Variants in B3GALT1 observed in about 807,000 individuals in gnomAD.
B3GALT1 encodes the protein UDP-Gal:betaGlcNAc beta 1,3-galactosyltransferase, polypeptide 1.
B3GALT1 carries 10 observed loss-of-function variants against 23.2 expected under a neutral mutation model. The ratio of observed to expected loss-of-function variants is 0.43; its 90% confidence interval spans 0.27 to 0.73. The LOEUF (loss-of-function observed/expected upper bound fraction) is 0.73. Among genes scored for constraint, B3GALT1 ranks in the 30% least tolerant of loss-of-function variants. The pLI is 0.21. For missense variants in B3GALT1, 299 were observed against 405.4 expected, an observed-to-expected ratio of 0.74 and a Z score of 2.25; for synonymous variants, 156 against 141.5, an observed-to-expected ratio of 1.10 and a Z score of -0.73.
At chr2:167,679,189 G>A (rs1484269249) in intron 3 of B3GALT1, among the ~76,000 whole-genome samples, 1 of 151,848 alleles carries the variant, frequency 6.6e-6, no homozygotes, top group African/African-American at 2.4e-5. Flanking sequence ...CAAAATCTCG[G>A]CTCACCGCAA....
chr2:167,438,681 T>A (rs1698827756), intron 1 of B3GALT1, among the ~76,000 whole-genome samples: 2 of 152,190 alleles, frequency 1.3e-5, no homozygotes, highest in Admixed American at 1.3e-4. Flanking sequence ...ACAAGTATTC[T>A]TCAGGGGCCC....
chr2:167,709,317 GA>G (rs1178235510), intron 3 of B3GALT1, among the ~76,000 whole-genome samples: 1 of 152,204 alleles, frequency 6.6e-6, no homozygotes, highest in Non-Finnish European at 1.5e-5. Flanking sequence ...CTAATAACCA[GA>G]TAATACCTTC....
chr2:167,563,295 T>G (rs1264833253), intron 2 of B3GALT1, among the ~76,000 whole-genome samples: 1 of 111,964 alleles, frequency 8.9e-6, no homozygotes, highest in African/African-American at 4.3e-5. Flanking sequence ...CACTTCCCAG[T>G]AGGGGCGGCC....
At chr2:167,669,501 T>C (rs1686282671) in intron 3 of B3GALT1, among the ~76,000 whole-genome samples, 1 of 152,144 alleles carries the variant, frequency 6.6e-6, no homozygotes, top group Non-Finnish European at 1.5e-5. Flanking sequence ...AAATATGAAA[T>C]GTGGAATTTA....
At chr2:167,848,239 T>C (rs1465445731) in intron 4 of B3GALT1, among the ~76,000 whole-genome samples, 2 of 152,298 alleles carry the variant, frequency 1.3e-5, no homozygotes, top group South Asian at 4.1e-4. Context: ...TAATTCATTC[T>C]GTGAAGCGAG....
At chr2:167,852,057 G>T (rs542315913) in intron 4 of B3GALT1, among the ~76,000 whole-genome samples, 1 of 152,280 alleles carries the variant, frequency 6.6e-6, no homozygotes, top group South Asian at 2.1e-4. Context: ...TCTTGGAAGG[G>T]CAATTTTGGC....
chr2:167,427,366 TAAAAA>T (rs1310142013), intron 1 of B3GALT1, among the ~76,000 whole-genome samples: 1 of 152,150 alleles, frequency 6.6e-6, no homozygotes, highest in African/African-American at 2.4e-5. Context: ...TTTTTGATCT[TAAAAA>T]GAAGTATATG....
intron 2 of B3GALT1, among the ~76,000 whole-genome samples, chr2:167,495,298 AT>A (rs2105344884): frequency 1.1e-5 from 1 of 88,018 alleles, no homozygotes; most frequent in South Asian, 3.4e-4. Context: ...AAGAGGTGCC[AT>A]TTTGCTTTTT....
At chr2:167,447,689 C>T (rs1699022084) in intron 1 of B3GALT1, among the ~76,000 whole-genome samples, 1 of 152,090 alleles carries the variant, frequency 6.6e-6, no homozygotes, top group Non-Finnish European at 1.5e-5. Context: ...TCCTGGTGTG[C>T]CGTTTGCTAA....
chr2:167,338,838 A>G (rs1697101551), intron 1 of B3GALT1, among the ~76,000 whole-genome samples: 1 of 152,140 alleles, frequency 6.6e-6, no homozygotes, highest in East Asian at 1.9e-4. Context: ...AGGTTTTGCA[A>G]TACATTTAAT....
intron 2 of B3GALT1, among the ~76,000 whole-genome samples, chr2:167,606,627 T>G (rs896243766): frequency 8.2e-6 from 1 of 121,774 alleles, no homozygotes; most frequent in Non-Finnish European, 1.8e-5. Flanking sequence ...AAGTTAGAAT[T>G]GTTTGACGTT....
At chr2:167,435,954 AAC>A (rs66661618) in intron 1 of B3GALT1, among the ~76,000 whole-genome samples, 31,409 of 138,574 alleles carry the variant, frequency 0.23, 4,806 homozygotes, top group East Asian at 0.44. Flanking sequence ...CACACACACA[AAC>A]ACACACACAC....
rs184749332 is a variant in B3GALT1 at position 167,432,162 on chromosome 2, G to A, written c.-510-58015G>A. Among the ~76,000 whole-genome samples the A allele has an allele frequency of 6.6e-5, 10 of 152,180 alleles. 1 individual carries two copies. Among genetic ancestry groups the A allele is most frequent in the East Asian group, 5.8e-4 (3 of 5,166 alleles). ...AGATCTTGTACACTGCAGGGGCGCC[G>A]GATCTGGGGACTCAGAAAAGTAAAG... On this transcript the variant is annotated intron_variant, in intron 1 of 4. Transcript: ENST00000392690.
intron 1 of B3GALT1, among the ~76,000 whole-genome samples, chr2:167,374,025 C>G (rs1234418399): frequency 6.6e-6 from 1 of 152,180 alleles, no homozygotes; most frequent in African/African-American, 2.4e-5. Flanking sequence ...TCTTCTCCCC[C>G]TCTAGTAGTC....
intron 1 of B3GALT1, among the ~76,000 whole-genome samples, chr2:167,428,503 C>T (rs1196145090): frequency 3.9e-5 from 6 of 152,042 alleles, no homozygotes; most frequent in South Asian, 2.1e-4. Flanking sequence ...GGTGAAACCT[C>T]GTCTCTACTA....
chr2:167,834,532 T>G (rs1418990424), intron 4 of B3GALT1, among the ~76,000 whole-genome samples: 1 of 152,192 alleles, frequency 6.6e-6, no homozygotes, highest in Non-Finnish European at 1.5e-5. Flanking sequence ...TCTTTTACTT[T>G]GGTTACAAAT....
intron 4 of B3GALT1, among the ~76,000 whole-genome samples, chr2:167,819,960 G>A (rs1338739467): frequency 1.3e-5 from 2 of 152,228 alleles, no homozygotes; most frequent in African/African-American, 4.8e-5. Context: ...CTGACAGTGA[G>A]TCGCAAGAGG....
intron 1 of B3GALT1, among the ~76,000 whole-genome samples, chr2:167,364,732 A>G (rs1379054106): frequency 6.6e-6 from 1 of 152,146 alleles, no homozygotes; most frequent in Non-Finnish European, 1.5e-5. Flanking sequence ...TTATATATAT[A>G]CACATACACC....
intron 3 of B3GALT1, among the ~76,000 whole-genome samples, chr2:167,759,614 G>A (rs1687870112): frequency 6.6e-6 from 1 of 152,184 alleles, no homozygotes; most frequent in Non-Finnish European, 1.5e-5. Flanking sequence ...AGAGCTAGTT[G>A]TTAGGAGCAA....
Sources: gnomAD v4.1 joint callset for allele counts (sites outside exome capture counted in the v4.1 genomes callset) on GRCh38, gnomAD v4.1.1 for gene constraint, MANE v1.5 for transcripts, NCBI Gene and HGNC (gene_info 2026-07-23, HGNC 2026-07-21) for gene names.